Variants in PCDH15 observed in about 807,000 individuals in gnomAD.
PCDH15 encodes protocadherin related 15.
A neutral mutation model predicts 178.5 loss-of-function variants in PCDH15; 129 were observed. The observed-to-expected ratio is 0.72, with a 90% CI of 0.63 to 0.84. The LOEUF (loss-of-function observed/expected upper bound fraction) is 0.84, where lower values mean the gene tolerates loss of function less well. Among genes scored for constraint, PCDH15 ranks in the 40% least tolerant of loss-of-function variants. PCDH15 has a pLI of 0.00. For missense variants in PCDH15, 2,230 were observed against 2,099.9 expected (o/e 1.06, Z -1.21); for synonymous variants, 800 against 732.0 (o/e 1.09, Z -1.50).
At position 54,340,780 on chromosome 10, in the gene PCDH15, T is replaced by C. The variant is rs146043353; in HGVS notation, c.594+5585A>G. Among the ~76,000 whole-genome samples, 262 of 152,230 alleles carry C rather than the reference T, an allele frequency of 1.7e-3. 3 individuals carry two copies. Among genetic ancestry groups the C allele is most frequent in the African/African-American group, 5.6e-3 (232 of 41,564 alleles). ...CATTCTCCTCCCTTGATTTTTCTTT[T>C]GGGGCAGGCTGTCCACATGCACAGT... On this transcript the variant is annotated intron_variant, in intron 6 of 37. Transcript: ENST00000644397.
chr10:55,341,140 C>A (rs771750705), intron 2 of PCDH15, among the ~76,000 whole-genome samples: 4 of 151,732 alleles, frequency 2.6e-5, no homozygotes, highest in Non-Finnish European at 5.9e-5. Context: ...AGATATAATA[C>A]CCTTGGTACA....
chr10:54,584,095 T>C (rs892301956), intron 2 of PCDH15, among the ~76,000 whole-genome samples: 1 of 152,116 alleles, frequency 6.6e-6, no homozygotes, highest in African/African-American at 2.4e-5. Flanking sequence ...TTACATAATA[T>C]ATTATTTAAG....
chr10:54,204,983 G>A (rs10825272), intron 10 of PCDH15, among the ~76,000 whole-genome samples: 26,500 of 151,902 alleles, frequency 0.17, 3,655 homozygotes, highest in East Asian at 0.82. Flanking sequence ...CTGCTGTATT[G>A]CTTATTTGTT....
In PCDH15 at chr10:53,816,277, G is replaced by T; in HGVS notation, c.4453C>A (p.Gln1485Lys). ...AGAGAGGGCCTCAGCAGTTGCTGTT[G>T]CTGTCAAAGGAAATTAAAATAGAAA... ...TLTRRGYGSE[Q>K]QQLLRPSLLK... The change falls in exon 35 of 38, where the codon CAA (glutamine) becomes AAA (lysine). Residue 1485 changes from glutamine (Q) to lysine (K), a missense_variant and splice_region_variant. Transcript: ENST00000644397. 2.5e-6 allele frequency: 1 copy of T among 398,734 alleles called. No individual in the cohort carries two copies. The highest frequency in any genetic ancestry group is 4.4e-6 in the Non-Finnish European group (1 of 225,942). 24.7% of individuals were successfully genotyped at this position (398,734 alleles called of 1,614,324 possible).
chr10:55,179,420 T>C (rs367646104), intron 1 of PCDH15, among the ~76,000 whole-genome samples: 1 of 152,056 alleles, frequency 6.6e-6, no homozygotes, highest in Non-Finnish European at 1.5e-5. Context: ...CAGTTCTGGA[T>C]AGAGTCCATG....
intron 10 of PCDH15, among the ~76,000 whole-genome samples, chr10:54,200,349 C>A (rs537663715): frequency 1.4e-5 from 2 of 139,024 alleles, no homozygotes; most frequent in Non-Finnish European, 3.0e-5. Context: ...TACGCATACA[C>A]GTCCCATGGT....
chr10:55,512,797 G>A (rs10825534), intron 2 of PCDH15: 49,754 of 151,930 alleles, frequency 0.33, 8,613 homozygotes, highest in East Asian at 0.51. Flanking sequence ...CTTTCCCAAA[G>A]CAGAAAGAAC....
intron 13 of PCDH15, 53 bp downstream of exon 13, chr10:54,183,391 T>A: frequency 6.7e-7 from 1 of 1,500,454 alleles, no homozygotes; most frequent in Non-Finnish European, 9.3e-7. Context: ...TATCGTATAA[T>A]GCACATGTAA....
At chr10:54,460,132 T>C (rs1334663051) in intron 3 of PCDH15, among the ~76,000 whole-genome samples, 1 of 152,020 alleles carries the variant, frequency 6.6e-6, no homozygotes, top group Non-Finnish European at 1.5e-5. Flanking sequence ...GAAGAATAAA[T>C]GGGGTATAAA....
intron 29 of PCDH15, among the ~76,000 whole-genome samples, chr10:53,832,307 T>C (rs553841021): frequency 4.6e-5 from 7 of 152,124 alleles, no homozygotes; most frequent in Non-Finnish European, 8.8e-5. Context: ...CCTAATCTTA[T>C]GAGATTGAAA....
At chr10:54,930,306 C>A (rs1014065358) in intron 2 of PCDH15, among the ~76,000 whole-genome samples, 1 of 152,144 alleles carries the variant, frequency 6.6e-6, no homozygotes, top group African/African-American at 2.4e-5. Flanking sequence ...ACCACCTCCT[C>A]AAGCCAGTCT....
intron 2 of PCDH15, among the ~76,000 whole-genome samples, chr10:55,385,700 TATATATATATATATATATGC>T (rs1837638113): frequency 6.9e-6 from 1 of 143,916 alleles, no homozygotes; most frequent in Non-Finnish European, 1.5e-5. Context: ...TGCCTATATA[TATATATATATATATATATGC>T]ATATATATAT....
intron 1 of PCDH15, among the ~76,000 whole-genome samples, chr10:54,691,305 T>C (rs2095115981): frequency 6.6e-6 from 1 of 152,086 alleles, no homozygotes; most frequent in South Asian, 2.1e-4. Flanking sequence ...GCTGCTTTAT[T>C]TTTTAGATTG....
chr10:55,152,526 G>A (rs2132102995), intron 2 of PCDH15, among the ~76,000 whole-genome samples: 1 of 152,254 alleles, frequency 6.6e-6, no homozygotes, highest in South Asian at 2.1e-4. Flanking sequence ...GCAGATAAAT[G>A]TTAGAGCCAA....
rs34847205 is a variant in PCDH15, at chr10:55,005,226, A to AATAATAATAATAATC, written c.-79-107727_-79-107726insGATTATTATTATTAT. Among the ~76,000 whole-genome samples the AATAATAATAATAATC allele has an allele frequency of 3.1e-4, 45 of 146,550 alleles. 1 individual carries two copies. Among genetic ancestry groups the AATAATAATAATAATC allele is most frequent in the Middle Eastern group, 3.5e-3 (1 of 282 alleles). ...GTCTCTAAATAATAATAATAATAAT[A>AATAATAATAATAATC]ATCAATGGAGCCTCTTGGTAGAATT... On this transcript the variant is annotated intron_variant, in intron 2 of 5. Coordinates refer to the PCDH15 transcript ENST00000458638.
chr10:54,188,944 C>T (rs888482219), intron 11 of PCDH15, among the ~76,000 whole-genome samples: 1 of 151,842 alleles, frequency 6.6e-6, no homozygotes, highest in Non-Finnish European at 1.5e-5. Flanking sequence ...TCTCCTCAGC[C>T]AGTTTTAATT....
chr10:55,566,115 G>C (rs998127095), intron 2 of PCDH15, among the ~76,000 whole-genome samples: 1 of 151,376 alleles, frequency 6.6e-6, no homozygotes, highest in South Asian at 2.1e-4. Context: ...AAGCAAAAGA[G>C]ATTTATTAAT....
intron 1 of PCDH15, among the ~76,000 whole-genome samples, chr10:54,744,000 A>G (rs2132854177): frequency 6.6e-6 from 1 of 152,190 alleles, no homozygotes; most frequent in Admixed American, 6.6e-5. Flanking sequence ...ACTTGAGCTT[A>G]ATCACTTCCA....
intron 2 of PCDH15, among the ~76,000 whole-genome samples, chr10:55,023,580 C>CA (rs1161899192): frequency 6.6e-6 from 1 of 152,048 alleles, no homozygotes; most frequent in African/African-American, 2.4e-5. Context: ...CACAGACACA[C>CA]ACACAAGTGT....
Sources: gnomAD v4.1 joint callset for allele counts (sites outside exome capture counted in the v4.1 genomes callset) on GRCh38, gnomAD v4.1.1 for gene constraint, MANE v1.5 for transcripts, NCBI Gene and HGNC (gene_info 2026-07-23, HGNC 2026-07-21) for gene names.